Variants in CEP290 observed in about 807,000 individuals in gnomAD.
CEP290 encodes the protein centrosomal protein 290, also known as centrosomal protein of 290 kDa.
CEP290 carries 317 observed loss-of-function variants against 344.9 expected under a neutral mutation model. The observed-to-expected ratio is 0.92, with a 90% CI of 0.84 to 1.01. The LOEUF (loss-of-function observed/expected upper bound fraction) is 1.01, where lower values mean the gene tolerates loss of function less well. Among genes scored for constraint, CEP290 ranks in the 50% least tolerant of loss-of-function variants. The pLI, the probability that CEP290 is intolerant of heterozygous loss-of-function variation, is 0.00. For missense variants in CEP290, 2,754 were observed against 2,761.4 expected (o/e 1.00, Z 0.06); for synonymous variants, 932 against 895.8 (o/e 1.04, Z -0.72).
At chr12:88,137,781 C>A (rs754388991) in intron 5 of CEP290, among the ~76,000 whole-genome samples, 7 of 152,156 alleles carry the variant, frequency 4.6e-5, no homozygotes, top group Non-Finnish European at 1.0e-4. Context: ...ACATGAGGGT[C>A]AGAAGAAGGT....
At chr12:88,109,366 A>G (rs1420893612) in intron 22 of CEP290, among the ~76,000 whole-genome samples, 185 bp from the exon 23 acceptor site, 1 of 152,186 alleles carries the variant, frequency 6.6e-6, no homozygotes, top group Non-Finnish European at 1.5e-5. Context: ...AAAAAAGAGT[A>G]CTATACAACA....
At chr12:88,119,403 A>G (rs995265870) in intron 15 of CEP290, among the ~76,000 whole-genome samples, 1 of 152,224 alleles carries the variant, frequency 6.6e-6, no homozygotes, top group Non-Finnish European at 1.5e-5. Flanking sequence ...AAATAAATAT[A>G]TAAACTCTCA....
intron 18 of CEP290, 55 bp downstream of exon 18, chr12:88,116,978 A>C (rs1360896571): frequency 2.1e-6 from 2 of 954,684 alleles, no homozygotes; most frequent in Non-Finnish European, 3.1e-6. Flanking sequence ...CGTCTCAAAA[A>C]AAAAAAAAAA....
rs1216267478 is a variant in CEP290, at chr12:88,060,025, T to TA, written c.6523-6dup. 3.3e-6 allele frequency: 5 copies of TA among 1,530,736 alleles called. No homozygotes were observed. The highest frequency in any genetic ancestry group is 2.6e-5 in the South Asian group (2 of 78,114). The allele number at this position is 1,530,736 out of a possible 1,614,324, so 94.8% of individuals were successfully genotyped here. ...TTTAAGTTTTTCTAATTCAGCCTAG[T>TA]AAAAAAACAAACAAAATAAAAAGTA... On this transcript the variant is annotated splice_region_variant and splice_polypyrimidine_tract_variant and intron_variant, in intron 47 of 53. Transcript: ENST00000552810.
chr12:88,102,648 T>A (rs1211051077), intron 26 of CEP290, among the ~76,000 whole-genome samples, 190 bp downstream of exon 26: 1 of 152,002 alleles, frequency 6.6e-6, no homozygotes, highest in Non-Finnish European at 1.5e-5. Flanking sequence ...ATATTGTGTG[T>A]GTGTGTGTGT....
At chr12:88,126,525 A>T in intron 11 of CEP290, 87 bp from the exon 12 acceptor site, 2 of 882,562 alleles carry the variant, frequency 2.3e-6, no homozygotes. Flanking sequence ...CACCGTTAGT[A>T]GATTTATGAT....
intron 49 of CEP290, chr12:88,058,015 T>C (rs575501597): frequency 6.6e-6 from 1 of 152,350 alleles, no homozygotes; most frequent in Non-Finnish European, 1.5e-5. Flanking sequence ...TGCTAGATGG[T>C]AAAGGATACC....
At position 88,090,732 on chromosome 12, in the gene CEP290, T is replaced by C; in HGVS notation, c.3569A>G (p.Tyr1190Cys). ...VESLRMQLLD[Y>C]QAQSDEKSLI... is the part of the protein sequence containing the mutation. Reference sequence around the variant, plus strand: ...AAGAGCCAATACTGCACATACCTGATAGTCTAGCAGTTGCATTCTGAGGGA... The same window carrying C: ...AAGAGCCAATACTGCACATACCTGACAGTCTAGCAGTTGCATTCTGAGGGA... Residue 1190 changes from tyrosine to cysteine, a missense_variant, in exon 30 of 54, where the codon TAT becomes TGT. Tyr to Cys is a radical substitution (Grantham distance 194). Transcript: ENST00000552810. 4 of 1,536,116 alleles carry C rather than the reference T, an allele frequency of 2.6e-6. No individual in the cohort carries two copies. The highest frequency in any genetic ancestry group is 2.7e-6 in the Non-Finnish European group (3 of 1,130,206).
chr12:88,080,142 T>C (rs1180081989), intron 38 of CEP290, 40 bp downstream of exon 38: 5 of 1,327,032 alleles, frequency 3.8e-6, no homozygotes, highest in Admixed American at 4.5e-5. Flanking sequence ...ATCTACCACA[T>C]ATTTTTCCTA....
At chr12:88,073,869 G>C (rs1367649790) in intron 41 of CEP290, among the ~76,000 whole-genome samples, 1 of 152,100 alleles carries the variant, frequency 6.6e-6, no homozygotes, top group East Asian at 1.9e-4. Flanking sequence ...TCCAATTCTT[G>C]TCTCTAATAC....
At chr12:88,134,765 T>C (rs1237768499) in intron 6 of CEP290, among the ~76,000 whole-genome samples, 3 of 152,196 alleles carry the variant, frequency 2.0e-5, no homozygotes, top group Non-Finnish European at 2.9e-5. Context: ...GCCTGGCACA[T>C]AGTAAGGACT....
Position 88,055,607 on chromosome 12 carries a change from A to T in CEP290, c.6929T>A (p.Val2310Asp). Residue 2310 changes from valine to aspartate, a missense_variant, in exon 50 of 54, where the codon GTT (valine) becomes GAT (aspartate). Coordinates refer to ENST00000552810, the MANE Select transcript of CEP290 (RefSeq NM_025114.4). The stretch of plus-strand genomic sequence containing the variant: ...TTCAAGGTCTTCATTGTATTTGTTA[A>T]CTTTTTGTTCTCTCTCTGTTGCTTC... ...VKEATEREQKVNKYNEDLEQQ... is the reference protein window; with the variant it reads ...VKEATEREQKDNKYNEDLEQQ... 1 of 1,579,740 alleles carries T rather than the reference A, an allele frequency of 6.3e-7. No homozygotes were observed.
In CEP290 at chr12:88,126,421, T is replaced by C; in HGVS notation, c.960A>G (p.Lys320=). 6.7e-7 allele frequency: 1 copy of C among 1,503,512 alleles called. No individual in the cohort carries two copies. The highest frequency in any genetic ancestry group is 8.8e-7 in the Non-Finnish European group (1 of 1,130,410). The allele number at this position is 1,503,512 out of a possible 1,614,324, so 93.1% of individuals were successfully genotyped here. ...GCTGATACTCAATAATTTCATCATCTTTAGAAGACAAAATTAGCTAGAAAT... is the reference window on the plus strand; with the variant it reads ...GCTGATACTCAATAATTTCATCATCCTTAGAAGACAAAATTAGCTAGAAAT... The part of the protein sequence containing the change: ...VEEWKLILSS[K]DDEIIEYQQM... Residue 320 remains lysine (K), a synonymous_variant, in exon 12 of 54, where the codon AAA becomes AAG. Transcript: ENST00000552810.
At chr12:88,109,687 C>T (rs556845753) in intron 22 of CEP290, among the ~76,000 whole-genome samples, 1 of 152,242 alleles carries the variant, frequency 6.6e-6, no homozygotes, top group South Asian at 2.1e-4. Flanking sequence ...GTCTGTCTGA[C>T]TCCAAAGGTC....
intron 5 of CEP290, among the ~76,000 whole-genome samples, chr12:88,138,853 C>A (rs975447563): frequency 2.6e-5 from 4 of 152,122 alleles, no homozygotes; most frequent in African/African-American, 4.8e-5. Flanking sequence ...CGTCACTATT[C>A]CTCAAATCCC....
intron 6 of CEP290, among the ~76,000 whole-genome samples, chr12:88,133,074 T>G: frequency 7.6e-6 from 1 of 131,734 alleles, no homozygotes; most frequent in African/African-American, 2.9e-5. Flanking sequence ...TTGTTCCGGT[T>G]TTTTTTTTTT....
At chr12:88,069,388 GA>G (rs151305078) in intron 43 of CEP290, among the ~76,000 whole-genome samples, 18 of 146,328 alleles carry the variant, frequency 1.2e-4, no homozygotes, top group South Asian at 2.1e-4. Context: ...CATTATTAGA[GA>G]AAAAAAAAAT....
Position 88,109,114 on chromosome 12 carries a change from A to T in CEP290, c.2435T>A (p.Phe812Tyr), listed in dbSNP as rs2038494496. The change falls in exon 23 of 54, where the codon TTT (phenylalanine) becomes TAT (tyrosine). Residue 812 changes from phenylalanine (F) to tyrosine (Y), a missense_variant. By Grantham distance (22) the Phe-to-Tyr change is conservative. Coordinates refer to ENST00000552810, the MANE Select transcript of CEP290 (RefSeq NM_025114.4). ...ACTTTGTTGATGACGAATTACAGCA[A>T]ATTTTCTGTTGTAATCTTCAAGAGA... is the stretch of plus-strand genomic sequence containing the variant. ...EDSLEDYNRK[F>Y]AVIRHQQSLL... 2.7e-6 allele frequency: 4 copies of T among 1,471,432 alleles called. No individual in the cohort carries two copies. Among genetic ancestry groups the T allele is most frequent in the Non-Finnish European group, 3.6e-6 (4 of 1,097,536 alleles). 91.1% of individuals were successfully genotyped at this position (1,471,432 alleles called of 1,614,324 possible). A position where few individuals can be genotyped will look rare whatever the true frequency, so the allele number is the denominator to read the frequency against.
intron 45 of CEP290, among the ~76,000 whole-genome samples, chr12:88,063,165 A>T (rs968440552): frequency 2.0e-5 from 3 of 150,826 alleles, no homozygotes; most frequent in African/African-American, 7.3e-5. Flanking sequence ...AAGGAAAAAA[A>T]GTGCGAAAAA....
Sources: gnomAD v4.1 joint callset for allele counts (sites outside exome capture counted in the v4.1 genomes callset) on GRCh38, gnomAD v4.1.1 for gene constraint, MANE v1.5 for transcripts, NCBI Gene and HGNC (gene_info 2026-07-23, HGNC 2026-07-21) for gene names.